The following LRBA variants were observed in gnomAD, a reference collection of about 807,000 sequenced individuals.
LRBA encodes lipopolysaccharide-responsive and beige-like anchor protein.
Under a neutral mutation model 330.0 loss-of-function variants are expected in LRBA, and 176 were observed. The ratio of observed to expected loss-of-function variants is 0.53; its 90% CI spans 0.47 to 0.60. LRBA has a LOEUF of 0.60. Among genes scored for constraint, LRBA ranks in the 20% least tolerant of loss-of-function variants. The pLI, the probability that LRBA is intolerant of heterozygous loss-of-function variation, is 0.00. For missense variants in LRBA, 3,259 were observed against 3,444.8 expected, an observed-to-expected ratio of 0.95 and a Z score of 1.35; for synonymous variants, 1,230 against 1,193.0, an observed-to-expected ratio of 1.03 and a Z score of -0.64.
intron 52 of LRBA, among the ~76,000 whole-genome samples, chr4:150,305,760 T>C (rs1257723474): frequency 6.6e-6 from 1 of 152,198 alleles, no homozygotes; most frequent in Non-Finnish European, 1.5e-5. Flanking sequence ...AATTTATACT[T>C]TGGGCTCAAC....
intron 2 of LRBA, among the ~76,000 whole-genome samples, chr4:151,008,927 G>A (rs554810914): frequency 3.2e-5 from 4 of 124,036 alleles, no homozygotes; most frequent in South Asian, 2.9e-4. Context: ...CCAAGATCAC[G>A]CCACTGCACT....
At chr4:150,714,081 T>A (rs1786495941) in intron 36 of LRBA, among the ~76,000 whole-genome samples, 1 of 152,132 alleles carries the variant, frequency 6.6e-6, no homozygotes, top group Admixed American at 6.5e-5. Flanking sequence ...ATGAGATAAG[T>A]ATAGAAATTG....
chr4:150,498,126 T>C (rs2152114092), intron 40 of LRBA, among the ~76,000 whole-genome samples: 1 of 152,350 alleles, frequency 6.6e-6, no homozygotes, highest in African/African-American at 2.4e-5. Context: ...CAAATTGATG[T>C]TGCTTTAGAT....
At chr4:150,660,939 C>T (rs1389589491) in intron 37 of LRBA, among the ~76,000 whole-genome samples, 7 of 117,418 alleles carry the variant, frequency 6.0e-5, no homozygotes, top group African/African-American at 1.3e-4. Context: ...TGCGGAAGGC[C>T]GCAGGGTCCT....
rs200086244 is a variant in LRBA at position 150,487,788 on chromosome 4, C to A, written c.6495G>T (p.Val2165=). Residue 2165 remains valine (V), a synonymous_variant, in exon 42 of 57, where the codon GTG becomes GTT. Coordinates refer to ENST00000651943, the MANE Select transcript of LRBA (RefSeq NM_001364905.1). Reference sequence around the variant, plus strand: ...CGCCAACACGAGGTAGATAGTTAACCACTTTCTTTACTGTTGCAGGGTCTG... The same window carrying A: ...CGCCAACACGAGGTAGATAGTTAACAACTTTCTTTACTGTTGCAGGGTCTG... The part of the protein sequence containing the change: ...NFPDPATVKK[V]VNYLPRVGVG... The A allele has an allele frequency of 5.3e-5, 84 of 1,596,300 alleles. 1 individual carries two copies. The East Asian group carries it at 1.9e-3, about 35-fold the overall frequency.
At chr4:150,851,016 T>A in intron 23 of LRBA, 114 bp from the exon 24 acceptor site, 1 of 653,408 alleles carries the variant, frequency 1.5e-6, no homozygotes, top group Non-Finnish European at 2.5e-6. Flanking sequence ...TTTAAGACAC[T>A]ATAAGAACCA....
chr4:150,800,692 A>G (rs1162637655), intron 33 of LRBA, among the ~76,000 whole-genome samples: 1 of 152,168 alleles, frequency 6.6e-6, no homozygotes, highest in Admixed American at 6.5e-5. Flanking sequence ...TACTGTCTCA[A>G]TCAAAAGAAA....
At chr4:150,471,074 A>G (rs945894721) in intron 43 of LRBA, among the ~76,000 whole-genome samples, 1 of 152,126 alleles carries the variant, frequency 6.6e-6, no homozygotes, top group African/African-American at 2.4e-5. Context: ...CATTTCTAAC[A>G]TTCTTATTTT....
intron 36 of LRBA, among the ~76,000 whole-genome samples, chr4:150,697,347 A>AAAAAAAAAAAAAC (rs1784738924): frequency 6.7e-6 from 1 of 149,192 alleles, no homozygotes; most frequent in Non-Finnish European, 1.5e-5. Flanking sequence ...AAAAAAAAAA[A>AAAAAAAAAAAAAC]AAAACAGGGA....
intron 37 of LRBA, among the ~76,000 whole-genome samples, chr4:150,657,246 A>G (rs1428712279): frequency 6.6e-6 from 1 of 152,222 alleles, no homozygotes; most frequent in Non-Finnish European, 1.5e-5. Flanking sequence ...TTTTACGCTT[A>G]AAGTGTATTT....
At chr4:150,342,300 G>T (rs1487710507) in intron 48 of LRBA, among the ~76,000 whole-genome samples, 1 of 151,736 alleles carries the variant, frequency 6.6e-6, no homozygotes, top group Non-Finnish European at 1.5e-5. Context: ...ATCTATAAAA[G>T]AATATATGTA....
intron 34 of LRBA, among the ~76,000 whole-genome samples, chr4:150,776,451 TG>T (rs1231174372): frequency 1.3e-5 from 2 of 152,218 alleles, no homozygotes; most frequent in Non-Finnish European, 2.9e-5. Context: ...AGAGAACTAT[TG>T]TTTATCTGTT....
intron 40 of LRBA, among the ~76,000 whole-genome samples, chr4:150,562,380 A>G (rs904147181): frequency 1.3e-5 from 2 of 152,232 alleles, no homozygotes; most frequent in African/African-American, 2.4e-5. Context: ...GTAATGGGAC[A>G]GCAGCAGGAA....
At chr4:150,990,518 A>C (rs1479275227) in intron 2 of LRBA, among the ~76,000 whole-genome samples, 3 of 152,174 alleles carry the variant, frequency 2.0e-5, no homozygotes, top group Admixed American at 1.3e-4. Context: ...GCTTGAGGCC[A>C]GGAGTTTCAG....
At chr4:150,278,718 A>G (rs1747130541) in intron 55 of LRBA, among the ~76,000 whole-genome samples, 1 of 152,218 alleles carries the variant, frequency 6.6e-6, no homozygotes, top group African/African-American at 2.4e-5. Context: ...GGCCAAGTGC[A>G]GCCCACTGCC....
At chr4:150,414,353 G>A (rs1747421182) in intron 47 of LRBA, among the ~76,000 whole-genome samples, 1 of 151,780 alleles carries the variant, frequency 6.6e-6, no homozygotes, top group African/African-American at 2.4e-5. Context: ...TTAATTGTTG[G>A]TATGAAAAGA....
chr4:150,294,857 A>G (rs942294815), intron 53 of LRBA, among the ~76,000 whole-genome samples: 1 of 152,164 alleles, frequency 6.6e-6, no homozygotes, highest in Non-Finnish European at 1.5e-5. Context: ...GAGCTAAGTC[A>G]GGAGAATTGC....
At chr4:150,293,641 A>G (rs1213520632) in intron 53 of LRBA, among the ~76,000 whole-genome samples, 3 of 152,260 alleles carry the variant, frequency 2.0e-5, no homozygotes, top group African/African-American at 7.2e-5. Flanking sequence ...AGTCCTTGGT[A>G]TATAACATTT....
At chr4:150,986,306 C>T (rs527317479) in intron 2 of LRBA, among the ~76,000 whole-genome samples, 3 of 152,146 alleles carry the variant, frequency 2.0e-5, no homozygotes, top group South Asian at 2.1e-4. Context: ...GGCAGGCAAG[C>T]GAGCATTACC....
Sources: gnomAD v4.1 joint callset for allele counts (sites outside exome capture counted in the v4.1 genomes callset) on GRCh38, gnomAD v4.1.1 for gene constraint, MANE v1.5 for transcripts, NCBI Gene and HGNC (gene_info 2026-07-23, HGNC 2026-07-21) for gene names.